Variants in TIAM2 observed in about 807,000 individuals in gnomAD.
The protein encoded by TIAM2 is TIAM Rac1 associated GEF 2, also known as rho guanine nucleotide exchange factor TIAM2.
Under a neutral mutation model 152.9 loss-of-function variants are expected in TIAM2, and 80 were observed. The observed-to-expected ratio is 0.52, with a 90% confidence interval of 0.44 to 0.63. The LOEUF (loss-of-function observed/expected upper bound fraction) is 0.63. Among genes scored for constraint, TIAM2 ranks in the 30% least tolerant of loss-of-function variants. The pLI is 0.00. For missense variants in TIAM2, 1,965 were observed against 2,120.1 expected (o/e 0.93, Z 1.44); for synonymous variants, 804 against 838.0 (o/e 0.96, Z 0.70).
chr6:155,026,549 T>G (rs765291584), intron 1 of TIAM2, among the ~76,000 whole-genome samples: 3 of 152,196 alleles, frequency 2.0e-5, no homozygotes, highest in Admixed American at 6.5e-5. Flanking sequence ...GGATATGTTT[T>G]TGTAATAAAG....
intron 15 of TIAM2, among the ~76,000 whole-genome samples, chr6:155,223,973 G>C (rs9384302): frequency 1.3e-5 from 2 of 152,056 alleles, no homozygotes; most frequent in African/African-American, 2.4e-5. Flanking sequence ...AATCTCATCC[G>C]ATCTTTAATA....
intron 2 of TIAM2, among the ~76,000 whole-genome samples, chr6:155,121,122 T>G (rs1399115561): frequency 1.3e-5 from 2 of 151,854 alleles, no homozygotes; most frequent in African/African-American, 4.8e-5. Context: ...ATATTTAATT[T>G]AATAATAGAT....
Position 155,176,871 on chromosome 6 carries a change from A to G in TIAM2, c.2417A>G (p.Asn806Ser), listed in dbSNP as rs374407394. Residue 806 changes from asparagine to serine, a missense_variant, in exon 10 of 27, where the codon AAT becomes AGT. By Grantham distance (46) the Asn-to-Ser change is conservative (BLOSUM62 1). This residue lies in a region of TIAM2 where 1,025 missense variants were observed against 1,119.4 expected (regional missense o/e 0.92). Transcript: ENST00000682666. ...ACAGTAGACGGTGTTCCCCGAGACA[A>G]TGCATGGGAAATCCAGACTTATGTC... is the stretch of plus-strand genomic sequence containing the variant. The part of the protein sequence containing the change: ...GSTVDGVPRD[N>S]AWEIQTYVHF... 23 of 1,614,026 alleles carry G rather than the reference A, an allele frequency of 1.4e-5. No homozygotes were observed. In the African/African-American group the frequency reaches 2.1e-4, roughly 15 times the overall value.
rs1416257691 is a variant in TIAM2 at position 155,109,335 on chromosome 6, G to A, written c.-117-18155G>A. Among the ~76,000 whole-genome samples, 4 of 152,018 alleles carry A rather than the reference G, an allele frequency of 2.6e-5. No homozygotes were observed. The East Asian group carries it at 7.7e-4, about 29-fold the overall frequency. Reference sequence around the variant, plus strand: ...AGGCCGTGAAGAACAAGGTCTATTTGGACATTTTTTAAAGGAATAATTTGC... The same window carrying A: ...AGGCCGTGAAGAACAAGGTCTATTTAGACATTTTTTAAAGGAATAATTTGC... On this transcript the variant is annotated intron_variant, in intron 2 of 26. Transcript: ENST00000682666.
intron 7 of TIAM2, among the ~76,000 whole-genome samples, chr6:155,157,730 T>G (rs1019368777): frequency 3.3e-5 from 5 of 152,220 alleles, no homozygotes; most frequent in Non-Finnish European, 7.3e-5. Context: ...ACACAAATCT[T>G]TGCTCCTAAT....
chr6:155,248,477 C>T (rs191506497), intron 20 of TIAM2, among the ~76,000 whole-genome samples: 88 of 152,340 alleles, frequency 5.8e-4, no homozygotes, highest in African/African-American at 2.1e-3. Flanking sequence ...TAAATTACCT[C>T]AGGTCACGTG....
intron 9 of TIAM2, among the ~76,000 whole-genome samples, chr6:155,166,667 G>A (rs1451326610): frequency 6.6e-6 from 1 of 152,224 alleles, no homozygotes; most frequent in African/African-American, 2.4e-5. Context: ...CACATGTTAT[G>A]TGAAATGTGG....
chr6:155,123,799 G>A (rs80106915), intron 2 of TIAM2, among the ~76,000 whole-genome samples: 3,022 of 152,176 alleles, frequency 0.02, 92 homozygotes, highest in African/African-American at 0.069. Flanking sequence ...GTGAGCGGCC[G>A]GGAGCCTTTC....
At chr6:155,147,815 T>A (rs1342547450) in intron 6 of TIAM2, among the ~76,000 whole-genome samples, 1 of 152,132 alleles carries the variant, frequency 6.6e-6, no homozygotes, top group African/African-American at 2.4e-5. Flanking sequence ...GCGTAATGTA[T>A]CATGAGTGTG....
chr6:155,094,132 T>G (rs968740898), intron 2 of TIAM2, among the ~76,000 whole-genome samples: 10 of 152,166 alleles, frequency 6.6e-5, no homozygotes, highest in Admixed American at 6.5e-4. Context: ...TTTTAGTGTT[T>G]CTTCAAAATG....
intron 1 of TIAM2, among the ~76,000 whole-genome samples, chr6:155,088,220 A>G (rs1047276420): frequency 2.0e-5 from 3 of 151,638 alleles, no homozygotes; most frequent in Non-Finnish European, 4.4e-5. Flanking sequence ...ACGCCCGGCT[A>G]ATGTTTTGTA....
intron 1 of TIAM2, among the ~76,000 whole-genome samples, chr6:155,068,062 C>T (rs938703403): frequency 6.6e-6 from 1 of 152,182 alleles, no homozygotes; most frequent in Non-Finnish European, 1.5e-5. Context: ...TGATATGCAG[C>T]AGTGTAACAT....
chr6:155,064,977 G>GGT (rs1281130585), intron 1 of TIAM2, among the ~76,000 whole-genome samples: 1 of 123,174 alleles, frequency 8.1e-6, no homozygotes, highest in Admixed American at 7.7e-5. Context: ...TCATTGTTGA[G>GGT]ATAGTCTTGC....
chr6:155,251,605 T>TATA (rs756106883), intron 22 of TIAM2, among the ~76,000 whole-genome samples: 7 of 152,190 alleles, frequency 4.6e-5, no homozygotes, highest in Non-Finnish European at 8.8e-5. Context: ...GCTATCTTAA[T>TATA]AGTCTGCTGT....
Position 155,167,222 on chromosome 6 carries a change from A to AT in TIAM2, c.2361+1813_2361+1814insT, listed in dbSNP as rs1418875660. ...TAAAATTGTGGTTCTACTTGTAATTAATTTTTTTTTCTTTTTTGAGACAGA... is the reference window on the plus strand; with the variant it reads ...TAAAATTGTGGTTCTACTTGTAATTATATTTTTTTTTCTTTTTTGAGACAGA... On this transcript the variant is annotated intron_variant, in intron 9 of 26. Coordinates refer to ENST00000682666, the MANE Select transcript of TIAM2 (RefSeq NM_012454.4). Among the ~76,000 whole-genome samples the AT allele has an allele frequency of 2.3e-3, 295 of 131,088 alleles. 1 individual carries two copies. The highest frequency in any genetic ancestry group is 0.011 in the African/African-American group (282 of 25,638). 86.0% of individuals were successfully genotyped at this position (131,088 alleles called of 152,430 possible).
At chr6:155,010,570 C>G (rs892002229) in intron 1 of TIAM2, among the ~76,000 whole-genome samples, 2 of 152,198 alleles carry the variant, frequency 1.3e-5, no homozygotes, top group Non-Finnish European at 2.9e-5. Context: ...ATTCTCCTGC[C>G]TCAGCCTCCC....
At chr6:155,027,986 TTACA>T (rs1275326856) in intron 1 of TIAM2, among the ~76,000 whole-genome samples, 3 of 108,854 alleles carry the variant, frequency 2.8e-5, no homozygotes, top group African/African-American at 1.3e-4. Flanking sequence ...ATGTACTGTG[TTACA>T]TATATACTAT....
chr6:155,047,811 G>A (rs954206388), intron 1 of TIAM2, among the ~76,000 whole-genome samples: 3 of 151,850 alleles, frequency 2.0e-5, no homozygotes, highest in South Asian at 2.1e-4. Flanking sequence ...TCTTCACTTC[G>A]GGGAGGGAAA....
chr6:155,123,693 C>T (rs551446627), intron 2 of TIAM2, among the ~76,000 whole-genome samples: 1 of 152,334 alleles, frequency 6.6e-6, no homozygotes, highest in Admixed American at 6.5e-5. Flanking sequence ...CAGTCGGCCA[C>T]TCAATCGCAG....
Sources: gnomAD v4.1 joint callset for allele counts (sites outside exome capture counted in the v4.1 genomes callset) on GRCh38, gnomAD v4.1.1 for gene constraint, gnomAD v4.1.1 regional missense constraint, MANE v1.5 for transcripts, NCBI Gene and HGNC (gene_info 2026-07-23, HGNC 2026-07-21) for gene names.